The following CUX1 variants were observed in gnomAD, a reference collection of about 807,000 sequenced individuals.
The protein encoded by CUX1 is protein CASP.
A neutral mutation model predicts 158.8 loss-of-function variants in CUX1; 31 were observed. That is an observed-to-expected ratio of 0.20 (90% CI 0.15 to 0.26). The LOEUF is 0.26. Ranked by LOEUF, CUX1 falls within the 10% of genes least tolerant of loss-of-function variation. CUX1 has a pLI of 1.00. For missense variants in CUX1, 1,589 were observed against 2,014.6 expected (o/e 0.79, Z 4.04); for synonymous variants, 879 against 862.1 (o/e 1.02, Z -0.34).
At chr7:101,878,098 G>A (rs1269715661) in intron 1 of CUX1, among the ~76,000 whole-genome samples, 4 of 152,128 alleles carry the variant, frequency 2.6e-5, no homozygotes, top group African/African-American at 9.7e-5. Flanking sequence ...TGTCCTCCAG[G>A]GCCCTAATGC....
At chr7:102,137,204 T>C (rs1365801958) in intron 8 of CUX1, among the ~76,000 whole-genome samples, 1 of 152,230 alleles carries the variant, frequency 6.6e-6, no homozygotes, top group East Asian at 1.9e-4. Context: ...AATGCTCCAA[T>C]GATTTCCCCT....
Position 102,255,543 on chromosome 7 carries a change from C to T in CUX1, c.*6501C>T. The stretch of plus-strand genomic sequence containing the variant: ...AGTTTACCCGATAATGTTAAGAAAG[C>T]ATTAGTCTACGTTACTGTAATTTCT... On this transcript the variant is annotated 3_prime_UTR_variant, in exon 24 of 24. Coordinates refer to ENST00000292535, the MANE Select transcript of CUX1 (RefSeq NM_181552.4). 1 of 985,386 alleles carries T rather than the reference C, an allele frequency of 1.0e-6. No homozygotes were observed. The highest frequency in any genetic ancestry group is 1.2e-6 in the Non-Finnish European group (1 of 829,924). 61.0% of individuals were successfully genotyped at this position (985,386 alleles called of 1,614,324 possible). A position where few individuals can be genotyped will look rare whatever the true frequency, so the allele number is the denominator to read the frequency against.
rs1801703811 is a variant in CUX1, at chr7:102,253,191, G to A, written c.*4149G>A. ...TGTGGACGTTCAGGTCTGCTGGTTGGCGGTCCGGGCCCAGAGTGCAGCAGA... is the reference window on the plus strand; with the variant it reads ...TGTGGACGTTCAGGTCTGCTGGTTGACGGTCCGGGCCCAGAGTGCAGCAGA... On this transcript the variant is annotated 3_prime_UTR_variant, in exon 24 of 24. Transcript: ENST00000292535. 1.0e-6 allele frequency: 1 copy of A among 985,324 alleles called. No individual in the cohort carries two copies. Among genetic ancestry groups the A allele is most frequent in the Non-Finnish European group, 1.2e-6 (1 of 829,982 alleles). The allele number at this position is 985,324 out of a possible 1,614,324, so 61.0% of individuals were successfully genotyped here.
intron 1 of CUX1, among the ~76,000 whole-genome samples, chr7:101,886,657 T>C (rs1449514390): frequency 6.6e-6 from 1 of 152,132 alleles, no homozygotes; most frequent in Non-Finnish European, 1.5e-5. Flanking sequence ...ACACGTGCAC[T>C]GCATGCCTGG....
At chr7:102,263,813 C>T (rs952752281) in intron 14 of CUX1, among the ~76,000 whole-genome samples, 1 of 151,838 alleles carries the variant, frequency 6.6e-6, no homozygotes. Context: ...CTGCCCCAGC[C>T]TTCCGAGTAG....
intron 14 of CUX1, among the ~76,000 whole-genome samples, chr7:102,196,078 C>G (rs544192576): frequency 6.6e-6 from 1 of 152,212 alleles, no homozygotes; most frequent in Non-Finnish European, 1.5e-5. Context: ...GCTCATCCCC[C>G]AAATGGTGGC....
At chr7:101,866,498 A>G (rs1194922593) in intron 1 of CUX1, among the ~76,000 whole-genome samples, 2 of 149,258 alleles carry the variant, frequency 1.3e-5, no homozygotes, top group African/African-American at 4.9e-5. Context: ...CAGTTGTGGT[A>G]GCACTTGCCT....
At chr7:102,086,456 T>C (rs943562982) in intron 4 of CUX1, among the ~76,000 whole-genome samples, 10 of 152,278 alleles carry the variant, frequency 6.6e-5, no homozygotes, top group South Asian at 6.2e-4. Context: ...CGATGAATGT[T>C]CCATGTGTAC....
chr7:102,031,970 G>A (rs1014172982), intron 3 of CUX1, among the ~76,000 whole-genome samples: 35 of 151,620 alleles, frequency 2.3e-4, no homozygotes, highest in South Asian at 1.5e-3. Flanking sequence ...ATCACCCAGG[G>A]TGGAGAGCAG....
intron 1 of CUX1, among the ~76,000 whole-genome samples, chr7:101,878,757 C>T (rs1799419943): frequency 6.6e-6 from 1 of 151,890 alleles, no homozygotes; most frequent in African/African-American, 2.4e-5. Context: ...ACTGCAACCT[C>T]CGCCTCCCAG....
At chr7:101,923,754 G>C (rs1805250890) in intron 2 of CUX1, among the ~76,000 whole-genome samples, 1 of 152,180 alleles carries the variant, frequency 6.6e-6, no homozygotes, top group African/African-American at 2.4e-5. Context: ...TCTCCATCCT[G>C]GCTCTTGTTG....
chr7:101,901,929 G>A (rs141242414), intron 1 of CUX1, among the ~76,000 whole-genome samples: 1 of 152,384 alleles, frequency 6.6e-6, no homozygotes, highest in East Asian at 1.9e-4. Context: ...TGTTGGCTCT[G>A]AAAGCATTCA....
chr7:101,846,088 C>G, intron 1 of CUX1, among the ~76,000 whole-genome samples: 1 of 151,998 alleles, frequency 6.6e-6, no homozygotes, highest in East Asian at 1.9e-4. Context: ...ATGAGATTGT[C>G]AGGTGAATCA....
rs992338590 is a variant in CUX1 at position 101,869,196 on chromosome 7, GC to G, written c.31-46915del. Among the ~76,000 whole-genome samples the G allele has an allele frequency of 7.2e-5, 11 of 152,138 alleles. No homozygotes were observed. Among genetic ancestry groups the G allele is most frequent in the African/African-American group, 2.4e-4 (10 of 41,440 alleles). The stretch of plus-strand genomic sequence containing the variant: ...GGCAGGTAGGGGGAGACCAGGATGA[GC>G]CCCATGTGCGCGTGACCTGTGGCAG... On this transcript the variant is annotated intron_variant, in intron 1 of 23. Coordinates refer to ENST00000292535, the MANE Select transcript of CUX1 (RefSeq NM_181552.4). This position sits in a 1 kb window ranked among gnomAD's most constrained non-coding sequence, Gnocchi z 4.5.
chr7:102,204,279 A>G, intron 18 of CUX1, 112 bp from the exon 19 acceptor site: 1 of 1,391,768 alleles, frequency 7.2e-7, no homozygotes, highest in Non-Finnish European at 9.9e-7. Flanking sequence ...TTCTGTGCTC[A>G]GAAGTCAGCC....
intron 2 of CUX1, among the ~76,000 whole-genome samples, chr7:101,941,455 G>A (rs1005232390): frequency 1.1e-4 from 16 of 152,196 alleles, no homozygotes; most frequent in Non-Finnish European, 2.2e-4. Flanking sequence ...TCTTAAAGAC[G>A]AAAATGGAAG....
At chr7:101,872,334 A>G (rs1314374076) in intron 1 of CUX1, among the ~76,000 whole-genome samples, 3 of 151,940 alleles carry the variant, frequency 2.0e-5, no homozygotes, top group African/African-American at 7.3e-5. Flanking sequence ...GGGTTTCACC[A>G]TGTTGGCCAG....
intron 1 of CUX1, among the ~76,000 whole-genome samples, chr7:101,870,987 C>G (rs1374380983): frequency 1.3e-5 from 2 of 152,218 alleles, no homozygotes; most frequent in Non-Finnish European, 2.9e-5. Context: ...GACCTAGCCA[C>G]CAGGGGCTGC....
chr7:101,816,875 G>T, upstream of CUX1: 1 of 976,276 alleles, frequency 1.0e-6, no homozygotes. Context: ...CACCGGCCCG[G>T]GCCGCGCCGC....
Sources: gnomAD v4.1 joint callset for allele counts (sites outside exome capture counted in the v4.1 genomes callset) on GRCh38, gnomAD v4.1.1 for gene constraint, Gnocchi (gnomAD v3.1) non-coding constraint, MANE v1.5 for transcripts, NCBI Gene and HGNC (gene_info 2026-07-23, HGNC 2026-07-21) for gene names.